Variants in ZFAT observed in about 807,000 individuals in gnomAD.
The protein encoded by ZFAT is zinc finger and AT-hook domain containing, also known as zinc finger protein ZFAT.
In ZFAT, 64 loss-of-function variants were observed where a neutral mutation model predicts 117.7. That is an observed-to-expected ratio of 0.54 (90% CI 0.44 to 0.67). The LOEUF is 0.67. ZFAT is among the 30% of genes least tolerant of loss of function. The pLI, the probability that ZFAT is intolerant of heterozygous loss-of-function variation, is 0.00. For synonymous variants in ZFAT, 679 were observed against 615.0 expected (o/e 1.10, Z -1.54); for missense variants, 1,433 against 1,584.5 (o/e 0.90, Z 1.62).
the ZFAT span, among the ~76,000 whole-genome samples, chr8:134,768,431 T>C: frequency 2.0e-5 from 3 of 152,198 alleles, no homozygotes; most frequent in Non-Finnish European, 4.4e-5. Context: ...TATTAGTCCA[T>C]TTTCATGCTG....
chr8:134,825,907 G>A, the ZFAT span, among the ~76,000 whole-genome samples: 1 of 151,924 alleles, frequency 6.6e-6, no homozygotes, highest in African/African-American at 2.4e-5. Flanking sequence ...TGTAGTCCCA[G>A]CTACTCAGGA....
At chr8:134,767,368 T>C in the ZFAT span, 1 of 152,246 alleles carries the variant, frequency 6.6e-6, no homozygotes, top group African/African-American at 2.4e-5. Context: ...GATGCAAATC[T>C]AGAATCAGTA....
chr8:134,819,496 A>ACCCCCCCCCCCCCCCCCCCCCCC, the ZFAT span, among the ~76,000 whole-genome samples: 1 of 39,334 alleles, frequency 2.5e-5, no homozygotes, highest in Non-Finnish European at 4.7e-5. Flanking sequence ...CGGATTTACC[A>ACCCCCCCCCCCCCCCCCCCCCCC]CCCCCCCCCC....
At chr8:134,653,433 T>G (rs925205685) in intron 2 of ZFAT, among the ~76,000 whole-genome samples, 3 of 140,184 alleles carry the variant, frequency 2.1e-5, no homozygotes, top group African/African-American at 7.9e-5. Flanking sequence ...TTTTTTTTTT[T>G]TTTTTTTTTT....
intron 1 of ZFAT, 114 bp downstream of exon 1, chr8:134,712,731 C>G: frequency 3.1e-6 from 3 of 952,640 alleles, no homozygotes; most frequent in Admixed American, 4.5e-5. Context: ...GGCCGGCGGC[C>G]GGCGGCCGGC....
the ZFAT span, among the ~76,000 whole-genome samples, chr8:134,811,345 A>C: frequency 6.6e-6 from 1 of 152,178 alleles, no homozygotes; most frequent in African/African-American, 2.4e-5. Context: ...CAGGGAACTC[A>C]AAAGGGTACT....
At chr8:134,574,790 A>G (rs1027682872) in intron 10 of ZFAT, among the ~76,000 whole-genome samples, 4 of 152,226 alleles carry the variant, frequency 2.6e-5, no homozygotes, top group African/African-American at 9.6e-5. Flanking sequence ...TTCTAGAGGC[A>G]TAAAAGTAAA....
At chr8:134,607,633 G>C (rs138535858) in intron 5 of ZFAT, among the ~76,000 whole-genome samples, 59 of 152,362 alleles carry the variant, frequency 3.9e-4, no homozygotes, top group Admixed American at 2.6e-3. Flanking sequence ...GAGTAGTCTA[G>C]AGCCAACCTA....
intron 7 of ZFAT, among the ~76,000 whole-genome samples, chr8:134,593,463 G>T (rs1285273067): frequency 6.6e-6 from 1 of 152,148 alleles, no homozygotes; most frequent in Admixed American, 6.5e-5. Flanking sequence ...AAGAGTGGTG[G>T]TTAAAAGAGC....
chr8:134,757,544 C>T, the ZFAT span, among the ~76,000 whole-genome samples: 3 of 152,064 alleles, frequency 2.0e-5, no homozygotes, highest in East Asian at 1.9e-4. Context: ...GGCAATGTCC[C>T]GCTGTCACTG....
chr8:134,794,452 C>T, the ZFAT span: 4 of 152,188 alleles, frequency 2.6e-5, no homozygotes, highest in Admixed American at 6.5e-5. Context: ...CTACCTATCT[C>T]GAACGCTTCA....
intron 2 of ZFAT, among the ~76,000 whole-genome samples, chr8:134,646,205 T>A (rs757578371): frequency 6.6e-6 from 1 of 151,712 alleles, no homozygotes; most frequent in Non-Finnish European, 1.5e-5. Context: ...CGAAACCCCA[T>A]CTCAAAGAAA....
chr8:134,539,695 T>C (rs1822108300), intron 11 of ZFAT, among the ~76,000 whole-genome samples: 1 of 152,180 alleles, frequency 6.6e-6, no homozygotes, highest in African/African-American at 2.4e-5. Context: ...CTACATGAAG[T>C]GGACTAGTTG....
the ZFAT span, among the ~76,000 whole-genome samples, chr8:134,801,717 T>C: frequency 1.3e-5 from 2 of 152,340 alleles, no homozygotes; most frequent in Admixed American, 6.5e-5. Context: ...TAATATACTT[T>C]TTCTCTGGGA....
the ZFAT span, among the ~76,000 whole-genome samples, chr8:134,813,839 C>G: frequency 6.9e-6 from 1 of 144,746 alleles, no homozygotes; most frequent in Non-Finnish European, 1.5e-5. Context: ...CACACACACA[C>G]GTCAAAGATA....
rs1005156820 is a variant in ZFAT, at chr8:134,713,023, A to C, written c.-160T>G. The C allele has an allele frequency of 1.2e-5, 10 of 806,696 alleles. No individual in the cohort carries two copies. The highest frequency in any genetic ancestry group is 1.8e-5 in the African/African-American group (1 of 54,578). The allele number at this position is 806,696 out of a possible 1,614,324, so 50.0% of individuals were successfully genotyped here. A position where few individuals can be genotyped will look rare whatever the true frequency, so the allele number is the denominator to read the frequency against. On this transcript the variant is annotated 5_prime_UTR_variant, in exon 1 of 16. It removes an upstream start codon present in the reference 5' UTR. Coordinates refer to ENST00000377838, the MANE Select transcript of ZFAT (RefSeq NM_020863.4). ...TTATGGCGAATCTGCGGCATCCAAC[A>C]TGGCGGATGGAGTCTTCGCCCTCCT... is the stretch of plus-strand genomic sequence containing the variant.
rs1408297267 is a variant in ZFAT at position 134,512,562 on chromosome 8, G to A, written c.3274C>T (p.Leu1092Phe). 5 of 1,613,954 alleles carry A rather than the reference G, an allele frequency of 3.1e-6. No individual in the cohort carries two copies. The South Asian group carries it at 4.4e-5, about 14-fold the overall frequency. Residue 1092 changes from leucine (L) to phenylalanine (F), a missense_variant, in exon 14 of 16, where the codon CTC (leucine) becomes TTC (phenylalanine). Around this residue, in one of 5 missense-constraint regions of ZFAT, gnomAD observed 503 missense variants for 543.4 expected, o/e 0.93. Coordinates refer to ENST00000377838, the MANE Select transcript of ZFAT (RefSeq NM_020863.4). Reference protein sequence around the residue: ...EAPEEPSTQYLHITEAEEDVQ... With the variant: ...EAPEEPSTQYFHITEAEEDVQ... Reference sequence around the variant, plus strand: ...TCTTCTTCGGCCTCTGTGATGTGGAGATACTGGGTGGAGGGCTCCTCAGGA... The same window carrying A: ...TCTTCTTCGGCCTCTGTGATGTGGAAATACTGGGTGGAGGGCTCCTCAGGA...
intron 11 of ZFAT, among the ~76,000 whole-genome samples, chr8:134,542,848 C>T (rs1484675410): frequency 2.0e-5 from 3 of 152,254 alleles, no homozygotes; most frequent in Non-Finnish European, 4.4e-5. Flanking sequence ...CAGATACATG[C>T]AGTTACTGCA....
intron 12 of ZFAT, among the ~76,000 whole-genome samples, chr8:134,527,260 G>A (rs1821091459): frequency 6.6e-6 from 1 of 152,196 alleles, no homozygotes; most frequent in African/African-American, 2.4e-5. Flanking sequence ...TTAGCACTTT[G>A]ATGTTAACTT....
Sources: gnomAD v4.1 joint callset for allele counts (sites outside exome capture counted in the v4.1 genomes callset) on GRCh38, gnomAD v4.1.1 for gene constraint, gnomAD v4.1.1 regional missense constraint, MANE v1.5 for transcripts, NCBI Gene and HGNC (gene_info 2026-07-23, HGNC 2026-07-21) for gene names.